FER: variants seen among roughly 807,000 people sequenced by gnomAD.
FER encodes tyrosine-protein kinase Fer.
A neutral mutation model predicts 111.0 loss-of-function variants in FER; 63 were observed. The ratio of observed to expected loss-of-function variants is 0.57; its 90% CI spans 0.46 to 0.70. The LOEUF is 0.70. Ranked by LOEUF, FER falls within the 30% of genes least tolerant of loss-of-function variation. The pLI, the probability that FER is intolerant of heterozygous loss-of-function variation, is 0.00. For synonymous variants in FER, 327 were observed against 313.9 expected, an observed-to-expected ratio of 1.04 and a Z score of -0.44; for missense variants, 914 against 954.0, an observed-to-expected ratio of 0.96 and a Z score of 0.55.
intron 16 of FER, among the ~76,000 whole-genome samples, chr5:109,096,386 A>G (rs1206289504): frequency 6.6e-6 from 1 of 151,960 alleles, no homozygotes; most frequent in African/African-American, 2.4e-5. Context: ...AAAAAACTCT[A>G]TAGGCTTTAT....
intron 5 of FER, chr5:108,842,308 A>G (rs1235243434): frequency 6.6e-6 from 1 of 152,196 alleles, no homozygotes; most frequent in East Asian, 1.9e-4. Context: ...GAATGTCACC[A>G]TAAGAAATGA....
At chr5:108,959,900 C>T (rs181490232) in intron 13 of FER, among the ~76,000 whole-genome samples, 31 of 152,178 alleles carry the variant, frequency 2.0e-4, no homozygotes, top group African/African-American at 7.5e-4. Context: ...ACACTACTTA[C>T]ATGTGCTTTA....
intron 17 of FER, among the ~76,000 whole-genome samples, chr5:109,138,444 T>C (rs1753148103): frequency 6.6e-6 from 1 of 152,190 alleles, no homozygotes; most frequent in South Asian, 2.1e-4. Flanking sequence ...ATAATCATTA[T>C]GTAGTATATA....
intron 5 of FER, among the ~76,000 whole-genome samples, chr5:108,864,376 C>T (rs887737363): frequency 6.6e-6 from 1 of 152,046 alleles, no homozygotes. Flanking sequence ...GTTGTTCTTC[C>T]TAGGAATGGT....
intron 8 of FER, among the ~76,000 whole-genome samples, chr5:108,872,656 T>C (rs1334846092): frequency 6.6e-6 from 1 of 152,160 alleles, no homozygotes; most frequent in Non-Finnish European, 1.5e-5. Context: ...TCTTCTGTTA[T>C]AGGCTGTTAA....
intron 17 of FER, among the ~76,000 whole-genome samples, chr5:109,160,555 G>A (rs147077839): frequency 2.6e-5 from 4 of 152,116 alleles, no homozygotes; most frequent in East Asian, 1.9e-4. Flanking sequence ...ATTAAATTTC[G>A]GTTCTCTGTG....
At chr5:108,763,484 C>T (rs1751986695) in intron 1 of FER, among the ~76,000 whole-genome samples, 1 of 152,174 alleles carries the variant, frequency 6.6e-6, no homozygotes, top group African/African-American at 2.4e-5. Flanking sequence ...AGGGTGTTGG[C>T]ACATCTGCCA....
At chr5:109,102,350 A>T (rs1352339303) in intron 17 of FER, among the ~76,000 whole-genome samples, 1 of 152,116 alleles carries the variant, frequency 6.6e-6, no homozygotes, top group African/African-American at 2.4e-5. Context: ...ATCTTGAACA[A>T]TGTCAGTGAG....
intron 17 of FER, among the ~76,000 whole-genome samples, chr5:109,138,649 T>C (rs77425602): frequency 0.1 from 15,958 of 152,236 alleles, 850 homozygotes; most frequent in Non-Finnish European, 0.12. Flanking sequence ...TTGATTTCTC[T>C]AGTTCCTCTC....
intron 16 of FER, among the ~76,000 whole-genome samples, chr5:109,089,565 C>T (rs1299422530): frequency 1.3e-5 from 2 of 152,092 alleles, no homozygotes; most frequent in Admixed American, 6.6e-5. Context: ...TACTGAGACA[C>T]TGACTTAATA....
At position 109,063,163 on chromosome 5, in the gene FER, C is replaced by T. The variant is rs948158213; in HGVS notation, c.1924+15965C>T. Among the ~76,000 whole-genome samples, 6 of 151,974 alleles carry T rather than the reference C, an allele frequency of 3.9e-5. 1 individual carries two copies. The highest frequency in any genetic ancestry group is 1.2e-4 in the African/African-American group (5 of 41,372). On this transcript the variant is annotated intron_variant, in intron 16 of 19. Coordinates refer to ENST00000281092, the MANE Select transcript of FER (RefSeq NM_005246.4). ...TATAAATCTTTCAATTGTCAAAATTCGTTTTCTTTTAATTTTTCATTTGCA... is the reference window on the plus strand; with the variant it reads ...TATAAATCTTTCAATTGTCAAAATTTGTTTTCTTTTAATTTTTCATTTGCA...
At chr5:109,178,694 G>A (rs929371918) in intron 17 of FER, among the ~76,000 whole-genome samples, 1 of 152,190 alleles carries the variant, frequency 6.6e-6, no homozygotes, top group African/African-American at 2.4e-5. Context: ...ATGCTAAACT[G>A]TATTGAGAAC....
chr5:108,895,416 G>T (rs543730243), intron 9 of FER, among the ~76,000 whole-genome samples: 21 of 152,170 alleles, frequency 1.4e-4, no homozygotes, highest in African/African-American at 5.1e-4. Context: ...AGTTTTACTG[G>T]CCTAAAACTA....
intron 16 of FER, among the ~76,000 whole-genome samples, chr5:109,082,473 G>A (rs572349953): frequency 8.5e-5 from 13 of 152,142 alleles, no homozygotes; most frequent in African/African-American, 2.9e-4. Context: ...CCCAGGCCCT[G>A]ACTTATAGTA....
At chr5:109,073,460 A>C (rs1775988977) in intron 16 of FER, among the ~76,000 whole-genome samples, 1 of 152,102 alleles carries the variant, frequency 6.6e-6, no homozygotes, top group African/African-American at 2.4e-5. Context: ...TAGGCTGTGA[A>C]TCATTTATAC....
intron 13 of FER, among the ~76,000 whole-genome samples, chr5:108,974,655 T>C (rs1476113406): frequency 6.6e-6 from 1 of 152,196 alleles, no homozygotes; most frequent in Admixed American, 6.5e-5. Flanking sequence ...GAGATAGTTC[T>C]GGATTATCCA....
chr5:109,051,911 C>G, intron 16 of FER: 2 of 1,571,352 alleles, frequency 1.3e-6, no homozygotes, highest in Non-Finnish European at 1.8e-6. Context: ...CAAGTGTGAA[C>G]AGCACTCAAG....
chr5:108,840,469 T>A (rs1321289670), intron 5 of FER, among the ~76,000 whole-genome samples: 2 of 152,200 alleles, frequency 1.3e-5, no homozygotes, highest in African/African-American at 4.8e-5. Flanking sequence ...ATTTGATTGT[T>A]GTGTCTGTAG....
intron 2 of FER, among the ~76,000 whole-genome samples, chr5:108,769,372 T>C (rs1752653148): frequency 1.3e-5 from 2 of 152,038 alleles, no homozygotes; most frequent in South Asian, 4.1e-4. Flanking sequence ...AGGAAGGAGC[T>C]TGGTGAATTT....
Sources: allele counts gnomAD v4.1 joint callset (sites outside exome capture counted in the v4.1 genomes callset), GRCh38; gene constraint gnomAD v4.1.1; transcripts MANE v1.5; gene names NCBI Gene and HGNC (gene_info 2026-07-23, HGNC 2026-07-21).